The following TOLLIP variants were observed in gnomAD, a reference collection of about 807,000 sequenced individuals.
TOLLIP encodes the protein toll interacting protein, also known as toll-interacting protein.
Under a neutral mutation model 33.5 loss-of-function variants are expected in TOLLIP, and 16 were observed. The observed-to-expected ratio is 0.48, with a 90% CI of 0.32 to 0.72. The LOEUF (loss-of-function observed/expected upper bound fraction) is 0.72, where lower values mean the gene tolerates loss of function less well. Among genes scored for constraint, TOLLIP ranks in the 30% least tolerant of loss-of-function variants. TOLLIP has a pLI of 0.03. For synonymous variants in TOLLIP, 176 were observed against 163.7 expected, an observed-to-expected ratio of 1.07 and a Z score of -0.57; for missense variants, 325 against 396.6, an observed-to-expected ratio of 0.82 and a Z score of 1.53.
At position 1,275,856 on chromosome 11, in the gene TOLLIP, C is replaced by T. The variant is rs1468037952; in HGVS notation, c.*1183G>A. ...CTGTCCGTTATCAGTGGGTTTACAT[C>T]CGAAGGCCGGCGGCAAGACACTTGA... On this transcript the variant is annotated 3_prime_UTR_variant, in exon 6 of 6. Coordinates refer to ENST00000317204, the MANE Select transcript of TOLLIP (RefSeq NM_019009.4). 4 of 152,208 alleles carry T rather than the reference C, an allele frequency of 2.6e-5. No homozygotes were observed. The highest frequency in any genetic ancestry group is 9.7e-5 in the African/African-American group (4 of 41,430). The allele number at this position is 152,208 out of a possible 1,614,324, so 9.4% of individuals were successfully genotyped here.
At chr11:1,281,342 T>A (rs911803372) in intron 5 of TOLLIP, among the ~76,000 whole-genome samples, 1 of 152,212 alleles carries the variant, frequency 6.6e-6, no homozygotes, top group African/African-American at 2.4e-5. Context: ...GCGCCCCGGC[T>A]TCTGAGTTGC....
In TOLLIP at chr11:1,309,435, C is replaced by T. The variant is rs1177920106; in HGVS notation, c.33+31G>A. The T allele has an allele frequency of 8.7e-6, 11 of 1,262,190 alleles. 1 individual carries two copies. The Admixed American group carries it at 3.6e-4, about 41-fold the overall frequency. The allele number at this position is 1,262,190 out of a possible 1,614,324, so 78.2% of individuals were successfully genotyped here. A position where few individuals can be genotyped will look rare whatever the true frequency, so the allele number is the denominator to read the frequency against. On this transcript the variant is annotated intron_variant, in intron 1 of 5. Coordinates refer to ENST00000317204, the MANE Select transcript of TOLLIP (RefSeq NM_019009.4). Reference sequence around the variant, plus strand: ...CCCCGCCCGCAACCGCAGGTCACCGCCCCCGCCCGACCCTCGCCCGGCTGC... The same window carrying T: ...CCCCGCCCGCAACCGCAGGTCACCGTCCCCGCCCGACCCTCGCCCGGCTGC...
intron 1 of TOLLIP, among the ~76,000 whole-genome samples, chr11:1,307,346 C>G (rs1003458446): frequency 1.3e-5 from 2 of 152,208 alleles, no homozygotes; most frequent in African/African-American, 4.8e-5. Flanking sequence ...CTAACGACAC[C>G]TCAGCACTTG....
chr11:1,309,431 AC>A, intron 1 of TOLLIP, 34 bp downstream of exon 1: 2 of 1,237,522 alleles, frequency 1.6e-6, no homozygotes, highest in Non-Finnish European at 2.0e-6. Context: ...ACCGCAGGTC[AC>A]CGCCCCCGCC....
At chr11:1,288,601 C>A in intron 4 of TOLLIP, 23 bp downstream of exon 4, 1 of 1,596,042 alleles carries the variant, frequency 6.3e-7, no homozygotes, top group South Asian at 1.1e-5. Context: ...ATGCGCCCCA[C>A]CCCGCCCAGG....
chr11:1,299,397 T>C (rs1590226525), intron 1 of TOLLIP, among the ~76,000 whole-genome samples: 10 of 152,312 alleles, frequency 6.6e-5, no homozygotes, highest in African/African-American at 2.4e-4. Context: ...TACCAGTTCA[T>C]GCTTCACGAG....
In TOLLIP at chr11:1,290,063, A is replaced by G; in HGVS notation, c.366+164T>C. On this transcript the variant is annotated intron_variant, in intron 3 of 5. Transcript: ENST00000317204. The surrounding 1 kb of genome is among the most constrained non-coding windows in gnomAD (Gnocchi z 4.9). Reference sequence around the variant, plus strand: ...GAGCTGGAAACAATCCCTTTTTCACATTCCTTGGGGAGAGCAGGACCCTGT... The same window carrying G: ...GAGCTGGAAACAATCCCTTTTTCACGTTCCTTGGGGAGAGCAGGACCCTGT... 4.7e-6 allele frequency: 3 copies of G among 636,690 alleles called. No homozygotes were observed. The highest frequency in any genetic ancestry group is 1.8e-5 in the African/African-American group (1 of 54,632). The allele number at this position is 636,690 out of a possible 1,614,324, so 39.4% of individuals were successfully genotyped here. A position where few individuals can be genotyped will look rare whatever the true frequency, so the allele number is the denominator to read the frequency against.
chr11:1,281,525 C>T (rs966412701), intron 5 of TOLLIP, among the ~76,000 whole-genome samples: 4 of 152,194 alleles, frequency 2.6e-5, no homozygotes, highest in Admixed American at 6.5e-5. Flanking sequence ...AGTGAGCCCC[C>T]GAGACCTGCA....
At chr11:1,295,932 T>C (rs1864100852) in intron 1 of TOLLIP, 138 bp from the exon 2 acceptor site, 3 of 1,149,764 alleles carry the variant, frequency 2.6e-6, no homozygotes, top group African/African-American at 1.6e-5. Flanking sequence ...TCAGCCTCAG[T>C]TTCCTCATCT....
At chr11:1,307,659 T>C (rs1319031077) in intron 1 of TOLLIP, among the ~76,000 whole-genome samples, 2 of 152,226 alleles carry the variant, frequency 1.3e-5, no homozygotes, top group African/African-American at 4.8e-5. Context: ...GCTGGTTCCC[T>C]TGTTGCTCTG....
In TOLLIP at chr11:1,276,717, C is replaced by T. The variant is rs182611353; in HGVS notation, c.*322G>A. On this transcript the variant is annotated 3_prime_UTR_variant, in exon 6 of 6. Transcript: ENST00000317204. ...GAAGGCGCTCCACCACCTCCAACAC[C>T]CTGGCAGAAGCAGCTGCTCTCTACA... 134 of 1,436,222 alleles carry T rather than the reference C, an allele frequency of 9.3e-5. No homozygotes were observed. The African/African-American group carries it at 1.7e-3, about 18-fold the overall frequency. 89.0% of individuals were successfully genotyped at this position (1,436,222 alleles called of 1,614,324 possible).
intron 5 of TOLLIP, among the ~76,000 whole-genome samples, chr11:1,279,456 C>T (rs1863422467): frequency 6.6e-6 from 1 of 152,252 alleles, no homozygotes; most frequent in Admixed American, 6.5e-5. Context: ...TTCAGGAGGA[C>T]AGACCAGGAG....
chr11:1,281,318 A>G (rs1863490804), intron 5 of TOLLIP, among the ~76,000 whole-genome samples: 1 of 151,968 alleles, frequency 6.6e-6, no homozygotes, highest in African/African-American at 2.4e-5. Context: ...TGTGAAGGAG[A>G]TGGTCTGACC....
rs113801730 is a variant in TOLLIP, at chr11:1,292,848, G to A, written c.184-2439C>T. 8.6e-3 allele frequency among the ~76,000 whole-genome samples: 1,310 copies of A among 152,378 alleles called. 17 individuals are homozygous for A. Among genetic ancestry groups the A allele is most frequent in the African/African-American group, 0.029 (1,223 of 41,592 alleles). ...CAGGGAGTGACCAGCTAGGAGGACCGGGTATGCGGGCTGCAGGATCTGGAG... is the reference window on the plus strand; with the variant it reads ...CAGGGAGTGACCAGCTAGGAGGACCAGGTATGCGGGCTGCAGGATCTGGAG... On this transcript the variant is annotated intron_variant, in intron 2 of 5. Coordinates refer to ENST00000317204, the MANE Select transcript of TOLLIP (RefSeq NM_019009.4).
chr11:1,297,631 G>A (rs774432292), intron 1 of TOLLIP, among the ~76,000 whole-genome samples: 3 of 152,354 alleles, frequency 2.0e-5, no homozygotes, highest in Non-Finnish European at 2.9e-5. Flanking sequence ...TTTGCCCTGT[G>A]AGAGAAGCCG....
At chr11:1,309,384 A>G in intron 1 of TOLLIP, 82 bp downstream of exon 1, 1 of 784,626 alleles carries the variant, frequency 1.3e-6, no homozygotes, top group Admixed American at 4.6e-5. Flanking sequence ...CGCCAGCCGC[A>G]GCTGAGCAGT....
intron 5 of TOLLIP, among the ~76,000 whole-genome samples, chr11:1,285,529 C>T (rs565303601): frequency 5.3e-5 from 8 of 152,334 alleles, no homozygotes; most frequent in South Asian, 4.1e-4. Flanking sequence ...CGACAACAGA[C>T]GCAACAGCGC....
chr11:1,287,512 C>A (rs1234325533), intron 4 of TOLLIP, among the ~76,000 whole-genome samples: 1 of 19,348 alleles, frequency 5.2e-5, no homozygotes, highest in African/African-American at 2.8e-4. Flanking sequence ...CCGCAGCCTC[C>A]CCGCCGCAGC....
intron 5 of TOLLIP, among the ~76,000 whole-genome samples, chr11:1,284,516 T>A (rs994904338): frequency 1.4e-4 from 22 of 151,906 alleles, no homozygotes; most frequent in African/African-American, 5.3e-4. Flanking sequence ...GCCCGGCTAA[T>A]TTGTTTGTAT....
Sources: allele counts gnomAD v4.1 joint callset (sites outside exome capture counted in the v4.1 genomes callset), GRCh38; gene constraint gnomAD v4.1.1; non-coding constraint Gnocchi (gnomAD v3.1); transcripts MANE v1.5; gene names NCBI Gene and HGNC (gene_info 2026-07-23, HGNC 2026-07-21).